PTPRK: variants seen among roughly 807,000 people sequenced by gnomAD.
PTPRK encodes the protein protein tyrosine phosphatase receptor type K.
A neutral mutation model predicts 178.0 loss-of-function variants in PTPRK; 75 were observed. That is an observed-to-expected ratio of 0.42 (90% confidence interval 0.35 to 0.51). The LOEUF (loss-of-function observed/expected upper bound fraction) is 0.51, where lower values mean the gene tolerates loss of function less well. Ranked by LOEUF, PTPRK falls within the 20% of genes least tolerant of loss-of-function variation. PTPRK has a pLI of 0.02. For missense variants in PTPRK, 1,441 were observed against 1,797.8 expected (o/e 0.80, Z 3.59); for synonymous variants, 637 against 620.6 (o/e 1.03, Z -0.39).
intron 1 of PTPRK, among the ~76,000 whole-genome samples, chr6:128,479,449 T>C (rs1466702596): frequency 2.0e-5 from 3 of 152,138 alleles, no homozygotes; most frequent in Admixed American, 6.5e-5. Context: ...AATTTCACTG[T>C]AACAAAATCC....
intron 2 of PTPRK, among the ~76,000 whole-genome samples, chr6:128,364,357 T>C (rs1835189542): frequency 1.3e-5 from 2 of 152,064 alleles, no homozygotes; most frequent in South Asian, 2.1e-4. Context: ...TGTCGTATTA[T>C]GGGGGACATA....
At chr6:128,287,087 T>C (rs566235990) in intron 3 of PTPRK, among the ~76,000 whole-genome samples, 1 of 152,212 alleles carries the variant, frequency 6.6e-6, no homozygotes, top group Non-Finnish European at 1.5e-5. Flanking sequence ...TGCATCTTCT[T>C]TCTCTCCAGT....
At chr6:128,234,474 A>G (rs1812863768) in intron 5 of PTPRK, among the ~76,000 whole-genome samples, 1 of 152,176 alleles carries the variant, frequency 6.6e-6, no homozygotes, top group South Asian at 2.1e-4. Flanking sequence ...CCCTGCCCAC[A>G]TCCAATTAAT....
intron 5 of PTPRK, among the ~76,000 whole-genome samples, chr6:128,230,371 G>A (rs536163506): frequency 6.6e-6 from 1 of 152,242 alleles, no homozygotes; most frequent in South Asian, 2.1e-4. Context: ...GTCTAGGGAT[G>A]CATATATAAC....
chr6:128,392,990 T>C (rs1839810196), intron 2 of PTPRK, among the ~76,000 whole-genome samples: 1 of 152,116 alleles, frequency 6.6e-6, no homozygotes, highest in Non-Finnish European at 1.5e-5. Context: ...GACAAAAATA[T>C]TTTAAAACTT....
Position 128,263,942 on chromosome 6 carries a change from C to T in PTPRK, c.496-21340G>A, listed in dbSNP as rs115680697. Among the ~76,000 whole-genome samples the T allele has an allele frequency of 6.1e-3, 928 of 152,246 alleles. 10 individuals carry two copies. The highest frequency in any genetic ancestry group is 0.021 in the African/African-American group (881 of 41,556). On this transcript the variant is annotated intron_variant, in intron 3 of 29. Transcript: ENST00000368226. Reference sequence around the variant, plus strand: ...AAGGCCAGAGTAGTGAACCACTTTGCTCCAGAAGAAGCACAGCTGTTTCTT... The same window carrying T: ...AAGGCCAGAGTAGTGAACCACTTTGTTCCAGAAGAAGCACAGCTGTTTCTT...
At chr6:128,222,967 A>G (rs768730350) in intron 5 of PTPRK, among the ~76,000 whole-genome samples, 1 of 152,050 alleles carries the variant, frequency 6.6e-6, no homozygotes, top group Non-Finnish European at 1.5e-5. Context: ...CAGCTCATAT[A>G]TACTCTTCCC....
intron 6 of PTPRK, among the ~76,000 whole-genome samples, chr6:128,201,554 A>C (rs957972545): frequency 7.9e-5 from 12 of 152,226 alleles, no homozygotes; most frequent in African/African-American, 2.9e-4. Flanking sequence ...TGTATTGAGA[A>C]TCTACTATAA....
At chr6:128,077,127 A>T (rs1211218704) in intron 11 of PTPRK, among the ~76,000 whole-genome samples, 4 of 152,096 alleles carry the variant, frequency 2.6e-5, no homozygotes, top group Non-Finnish European at 4.4e-5. Flanking sequence ...AGTAGCTGGT[A>T]GCTGATTTAA....
intron 1 of PTPRK, among the ~76,000 whole-genome samples, chr6:128,464,660 T>TATATATATAC (rs1849609712): frequency 1.8e-5 from 2 of 109,458 alleles, no homozygotes; most frequent in African/African-American, 8.3e-5. Flanking sequence ...TATATATATA[T>TATATATATAC]ATATATATAT....
chr6:128,243,585 C>T (rs1814908830), intron 3 of PTPRK, among the ~76,000 whole-genome samples: 2 of 149,374 alleles, frequency 1.3e-5, no homozygotes, highest in Admixed American at 1.3e-4. Flanking sequence ...ACTTCACAGA[C>T]TAAGAGACTA....
intron 13 of PTPRK, among the ~76,000 whole-genome samples, chr6:128,022,081 T>A (rs1773598116): frequency 6.6e-6 from 1 of 152,142 alleles, no homozygotes; most frequent in African/African-American, 2.4e-5. Flanking sequence ...ACATTAGAGA[T>A]TTGACCACCA....
At chr6:128,260,763 C>CCTGAACTTTCATGTACATTCA (rs1818060629) in intron 3 of PTPRK, among the ~76,000 whole-genome samples, 1 of 152,034 alleles carries the variant, frequency 6.6e-6, no homozygotes, top group African/African-American at 2.4e-5. Context: ...GCATGTGGTC[C>CCTGAACTTTCATGTACATTCA]CTGAACTTTC....
intron 3 of PTPRK, among the ~76,000 whole-genome samples, chr6:128,265,692 T>C (rs1487741752): frequency 6.6e-6 from 1 of 152,184 alleles, no homozygotes; most frequent in Non-Finnish European, 1.5e-5. Context: ...GAACTAAGAA[T>C]TGAAATTTGA....
At chr6:128,268,427 G>A (rs1819287671) in intron 3 of PTPRK, among the ~76,000 whole-genome samples, 1 of 152,010 alleles carries the variant, frequency 6.6e-6, no homozygotes, top group Non-Finnish European at 1.5e-5. Context: ...CAGAAAAAGT[G>A]AGAGAACCAT....
At chr6:128,255,808 C>A (rs1004238814) in intron 3 of PTPRK, among the ~76,000 whole-genome samples, 1 of 152,212 alleles carries the variant, frequency 6.6e-6, no homozygotes, top group South Asian at 2.1e-4. Context: ...CTGATGCAGG[C>A]TAAAATGTGA....
intron 6 of PTPRK, among the ~76,000 whole-genome samples, chr6:128,212,234 AT>A (rs1236313928): frequency 6.6e-6 from 1 of 151,894 alleles, no homozygotes; most frequent in Non-Finnish European, 1.5e-5. Context: ...TATGTATGCG[AT>A]TTTTTTGGCA....
intron 1 of PTPRK, among the ~76,000 whole-genome samples, chr6:128,466,854 T>G (rs1024452538): frequency 2.6e-5 from 4 of 152,000 alleles, no homozygotes; most frequent in Admixed American, 2.6e-4. Flanking sequence ...AATATACAAA[T>G]GAATAAACCC....
chr6:128,482,176 T>C lies in PTPRK; in HGVS notation c.100+38083A>G, dbSNP rs1021472329. ...TAATGAGACCTAGAACTGTGCTGAA[T>C]GATGTTGGAAAACATTCCCCAGATC... On this transcript the variant is annotated intron_variant, in intron 1 of 29. Coordinates refer to ENST00000368226, the MANE Select transcript of PTPRK (RefSeq NM_002844.4). Among the ~76,000 whole-genome samples, 82 of 152,278 alleles carry C rather than the reference T, an allele frequency of 5.4e-4. 1 individual carries two copies. The highest frequency in any genetic ancestry group is 1.9e-3 in the African/African-American group (79 of 41,574).
Sources: gnomAD v4.1 joint callset for allele counts (sites outside exome capture counted in the v4.1 genomes callset) on GRCh38, gnomAD v4.1.1 for gene constraint, MANE v1.5 for transcripts, NCBI Gene and HGNC (gene_info 2026-07-23, HGNC 2026-07-21) for gene names.